The following DUSP14 variants were observed in gnomAD, a reference collection of about 807,000 sequenced individuals.
DUSP14 encodes the protein dual specificity phosphatase 14.
In DUSP14, 5 loss-of-function variants were observed where a neutral mutation model predicts 13.2. The ratio of observed to expected loss-of-function variants is 0.38; its 90% CI spans 0.20 to 0.80. DUSP14 has a LOEUF of 0.80. DUSP14 is among the 30% of genes least tolerant of loss of function. The pLI is 0.44. For synonymous variants in DUSP14, 91 were observed against 103.4 expected (o/e 0.88, Z 0.73); for missense variants, 185 against 264.0 (o/e 0.70, Z 2.07).
chr17:37,494,219 T>C (rs530341041), intron 1 of DUSP14, among the ~76,000 whole-genome samples: 2 of 152,218 alleles, frequency 1.3e-5, no homozygotes, highest in South Asian at 4.2e-4. Context: ...GGTCTTAATC[T>C]CCTGACCTCG....
At chr17:37,503,276 TTAGC>T (rs1568202353) in intron 1 of DUSP14, among the ~76,000 whole-genome samples, 1 of 151,988 alleles carries the variant, frequency 6.6e-6, no homozygotes, top group African/African-American at 2.4e-5. Flanking sequence ...AATACAAACA[TTAGC>T]TAGCCATGGT....
At chr17:37,506,690 T>C (rs2054140238) in intron 1 of DUSP14, among the ~76,000 whole-genome samples, 1 of 152,168 alleles carries the variant, frequency 6.6e-6, no homozygotes, top group Admixed American at 6.5e-5. Context: ...TTTTTTACCA[T>C]CCAGTTCTAC....
intron 1 of DUSP14, among the ~76,000 whole-genome samples, chr17:37,505,635 C>CTTTTTTTTTTT (rs35707292): frequency 8.3e-6 from 1 of 120,962 alleles, no homozygotes; most frequent in Non-Finnish European, 1.7e-5. Context: ...TGGTTGTCAT[C>CTTTTTTTTTTT]TTTTTTTTTT....
intron 1 of DUSP14, among the ~76,000 whole-genome samples, chr17:37,509,265 A>AG (rs1229299739): frequency 0.33 from 18,495 of 56,718 alleles, 3,107 homozygotes; most frequent in South Asian, 0.37. Context: ...ATATATATAT[A>AG]TATATATATA....
At chr17:37,507,006 A>G (rs1186898312) in intron 1 of DUSP14, among the ~76,000 whole-genome samples, 1 of 152,244 alleles carries the variant, frequency 6.6e-6, no homozygotes, top group East Asian at 1.9e-4. Context: ...GAACACAGCC[A>G]CGATTTAGTC....
At chr17:37,498,349 CAG>C (rs1408924017) in intron 1 of DUSP14, among the ~76,000 whole-genome samples, 3 of 99,572 alleles carry the variant, frequency 3.0e-5, no homozygotes, top group Non-Finnish European at 5.4e-5. Context: ...TTTTTTGAGA[CAG>C]AGTCTCGCTC....
At chr17:37,500,137 C>G (rs1208260424) in intron 1 of DUSP14, among the ~76,000 whole-genome samples, 1 of 152,210 alleles carries the variant, frequency 6.6e-6, no homozygotes, top group Non-Finnish European at 1.5e-5. Flanking sequence ...CTCGGAAACT[C>G]TAGCGTGGTA....
chr17:37,494,287 C>T (rs1292924823), intron 1 of DUSP14, among the ~76,000 whole-genome samples: 1 of 152,210 alleles, frequency 6.6e-6, no homozygotes, highest in African/African-American at 2.4e-5. Context: ...GCCACCGCAC[C>T]CAGCCTTTAA....
chr17:37,511,875 C>A lies in DUSP14; in HGVS notation c.-92-306C>A, dbSNP rs573603635. On this transcript the variant is annotated intron_variant, in intron 2 of 2. Transcript: ENST00000617516. ...GGCTTAAGCAATCCTCCCACCTCAG[C>A]CTCCCAAAGTGCTGGGATTACATGT... Among the ~76,000 whole-genome samples, 7 of 147,606 alleles carry A rather than the reference C, an allele frequency of 4.7e-5. No individual in the cohort carries two copies. In the South Asian group the frequency reaches 1.5e-3, roughly 31 times the overall value.
intron 1 of DUSP14, among the ~76,000 whole-genome samples, chr17:37,498,758 C>T (rs1447183403): frequency 6.7e-6 from 1 of 149,660 alleles, no homozygotes; most frequent in Non-Finnish European, 1.5e-5. Context: ...GATATTTTTT[C>T]CACAATATCA....
At position 37,506,654 on chromosome 17, in the gene DUSP14, G is replaced by A. The variant is rs980008617; in HGVS notation, c.-180-4023G>A. Among the ~76,000 whole-genome samples, 12 of 152,268 alleles carry A rather than the reference G, an allele frequency of 7.9e-5. No individual in the cohort carries two copies. In the South Asian group the frequency reaches 2.3e-3, roughly 29 times the overall value. The stretch of plus-strand genomic sequence containing the variant: ...TTACTGAGTAGATTTTCATGCACCT[G>A]TGATATAATACCCATGGGTTTTTTA... On this transcript the variant is annotated intron_variant, in intron 1 of 2. Transcript: ENST00000617516.
At chr17:37,506,555 A>G (rs1443400768) in intron 1 of DUSP14, among the ~76,000 whole-genome samples, 2 of 152,132 alleles carry the variant, frequency 1.3e-5, no homozygotes, top group Non-Finnish European at 2.9e-5. Flanking sequence ...AGAGAGCACC[A>G]TGCAATTTGT....
At chr17:37,491,018 G>A (rs1276360990) in intron 1 of DUSP14, among the ~76,000 whole-genome samples, 1 of 152,186 alleles carries the variant, frequency 6.6e-6, no homozygotes, top group Non-Finnish European at 1.5e-5. Flanking sequence ...CAGAGAGGCC[G>A]AGGCCAGCCG....
intron 1 of DUSP14, among the ~76,000 whole-genome samples, chr17:37,490,679 A>T (rs901669187): frequency 1.3e-5 from 2 of 151,510 alleles, no homozygotes; most frequent in Non-Finnish European, 2.9e-5. Context: ...CGACTTACAA[A>T]TGCAGTTTTA....
upstream of DUSP14, among the ~76,000 whole-genome samples, chr17:37,489,169 T>G (rs187546456): frequency 5.9e-5 from 9 of 152,258 alleles, no homozygotes; most frequent in East Asian, 1.7e-3. Flanking sequence ...ACACAGCAAA[T>G]GAGCCCTCAA....
intron 1 of DUSP14, among the ~76,000 whole-genome samples, chr17:37,505,878 G>A (rs569752020): frequency 2.6e-5 from 4 of 152,208 alleles, no homozygotes; most frequent in South Asian, 4.2e-4. Context: ...TTAGAGGCCC[G>A]CTGGGAAGAC....
chr17:37,507,295 A>G (rs1380267365), intron 1 of DUSP14, among the ~76,000 whole-genome samples: 1 of 152,166 alleles, frequency 6.6e-6, no homozygotes, highest in African/African-American at 2.4e-5. Context: ...GGGAGGGAGC[A>G]ATGTGTCTGT....
intron 1 of DUSP14, among the ~76,000 whole-genome samples, chr17:37,493,503 A>G (rs1423828829): frequency 6.6e-6 from 1 of 152,170 alleles, no homozygotes; most frequent in East Asian, 1.9e-4. Flanking sequence ...TTATGCTTGA[A>G]TATTTTCTGA....
chr17:37,509,128 T>TATACAC (rs1483030488), intron 1 of DUSP14, among the ~76,000 whole-genome samples: 10 of 31,188 alleles, frequency 3.2e-4, no homozygotes, highest in Admixed American at 1.1e-3. Flanking sequence ...TATATATATA[T>TATACAC]ACACACACAC....
Sources: gnomAD v4.1 joint callset for allele counts (sites outside exome capture counted in the v4.1 genomes callset) on GRCh38, gnomAD v4.1.1 for gene constraint, MANE v1.5 for transcripts, NCBI Gene and HGNC (gene_info 2026-07-23, HGNC 2026-07-21) for gene names.